The following OR51B5 variants were observed in gnomAD, a reference collection of about 807,000 sequenced individuals.
The protein encoded by OR51B5 is olfactory receptor family 51 subfamily B member 5.
For missense variants in OR51B5, 456 were observed against 374.6 expected (o/e 1.22, Z -1.79); for synonymous variants, 186 against 144.8 (o/e 1.28, Z -2.04).
chr11:5,417,313 C>T (rs1850258496), intron 1 of OR51B5, among the ~76,000 whole-genome samples: 1 of 151,016 alleles, frequency 6.6e-6, no homozygotes. Context: ...AGACCTAAAA[C>T]CATAAAAACC....
chr11:5,372,888 A>G (rs933152170), intron 1 of OR51B5, among the ~76,000 whole-genome samples: 5 of 152,212 alleles, frequency 3.3e-5, no homozygotes, highest in African/African-American at 1.2e-4. Flanking sequence ...AGAAAAACCA[A>G]CTTGATGGCA....
chr11:5,433,006 G>A (rs1254455218), intron 1 of OR51B5, among the ~76,000 whole-genome samples: 2 of 152,150 alleles, frequency 1.3e-5, no homozygotes, highest in African/African-American at 4.8e-5. Flanking sequence ...GAATGAAAGT[G>A]AGACTATGGT....
chr11:5,487,350 C>A (rs1451708581), intron 1 of OR51B5, among the ~76,000 whole-genome samples: 1 of 152,012 alleles, frequency 6.6e-6, no homozygotes, highest in Admixed American at 6.6e-5. Context: ...TTGTCAACCA[C>A]AAAATTTTGT....
At chr11:5,427,286 G>A (rs1409097659) in intron 1 of OR51B5, among the ~76,000 whole-genome samples, 2 of 152,192 alleles carry the variant, frequency 1.3e-5, no homozygotes, top group South Asian at 4.1e-4. Flanking sequence ...AGTCATTCCA[G>A]TGAATCTTCA....
intron 1 of OR51B5, among the ~76,000 whole-genome samples, chr11:5,368,495 G>A (rs1019975683): frequency 2.6e-5 from 4 of 152,204 alleles, no homozygotes; most frequent in East Asian, 3.9e-4. Flanking sequence ...TGAAAATTTT[G>A]TGAAAATGAG....
At chr11:5,477,077 T>A (rs1207073802) in intron 1 of OR51B5, among the ~76,000 whole-genome samples, 1 of 151,922 alleles carries the variant, frequency 6.6e-6, no homozygotes, top group East Asian at 1.9e-4. Context: ...TCATCATAAA[T>A]AAATAGAGTG....
intron 1 of OR51B5, among the ~76,000 whole-genome samples, chr11:5,362,058 T>C (rs759788825): frequency 6.6e-6 from 1 of 152,208 alleles, no homozygotes; most frequent in Non-Finnish European, 1.5e-5. Flanking sequence ...TTTAAATTGC[T>C]GCATATTCCC....
At chr11:5,373,557 T>G (rs559297469) in intron 1 of OR51B5, among the ~76,000 whole-genome samples, 1 of 152,018 alleles carries the variant, frequency 6.6e-6, no homozygotes, top group Non-Finnish European at 1.5e-5. Flanking sequence ...CAAGGGGTCA[T>G]GGAGTTCCCT....
chr11:5,359,867 A>C (rs12795134), intron 1 of OR51B5, among the ~76,000 whole-genome samples: 35,322 of 151,796 alleles, frequency 0.23, 4,368 homozygotes, highest in Non-Finnish European at 0.26. Flanking sequence ...GATCTTTGAC[A>C]AACCTGACAA....
chr11:5,497,412 AAAAT>A (rs1190753784), intron 1 of OR51B5, among the ~76,000 whole-genome samples: 1 of 152,198 alleles, frequency 6.6e-6, no homozygotes, highest in Non-Finnish European at 1.5e-5. Context: ...ACTCCGTCTC[AAAAT>A]AAATAAATTG....
chr11:5,389,754 T>G lies in OR51B5; in HGVS notation n.85-42844A>C. On this transcript the variant is annotated intron_variant and non_coding_transcript_variant, in intron 1 of 4. Transcript: ENST00000415970. ...ATCCAGATGTTCTGCATCCACTCTT[T>G]TTCCTTCATGGAGTCCTCAGTGCTC... 2.5e-6 allele frequency: 4 copies of G among 1,614,004 alleles called. 1 individual carries two copies. In the South Asian group the frequency reaches 4.4e-5, roughly 18 times the overall value.
At chr11:5,355,182 G>A (rs76625142) in intron 1 of OR51B5, 2 of 173,640 alleles carry the variant, frequency 1.2e-5, no homozygotes, top group African/African-American at 4.8e-5. Flanking sequence ...AGGAGCCTCT[G>A]TCTAAGGCAG....
chr11:5,394,523 G>C (rs894964632), intron 1 of OR51B5, among the ~76,000 whole-genome samples: 1 of 152,042 alleles, frequency 6.6e-6, no homozygotes, highest in African/African-American at 2.4e-5. Context: ...CAACTATCCC[G>C]TTATTTAATA....
intron 1 of OR51B5, among the ~76,000 whole-genome samples, chr11:5,400,996 T>TTGTGTGCATTTGGGTGAA (rs1849959712): frequency 1.3e-5 from 2 of 152,170 alleles, no homozygotes; most frequent in Non-Finnish European, 2.9e-5. Context: ...CTGTGTGTGT[T>TTGTGTGCATTTGGGTGAA]TGTGTGCATT....
At position 5,354,739 on chromosome 11, in the gene OR51B5, C is replaced by T. The variant is rs545935953; in HGVS notation, n.85-7829G>A. 4.4e-4 allele frequency: 79 copies of T among 178,662 alleles called. 1 individual carries two copies. The South Asian group carries it at 8.7e-3, about 20-fold the overall frequency. 11.1% of individuals were successfully genotyped at this position (178,662 alleles called of 1,614,324 possible). ...CTTTGCCAAGAATGCCTGGAAGAGACTCAGCCACTCACAGGAAAACGTCCT... is the reference window on the plus strand; with the variant it reads ...CTTTGCCAAGAATGCCTGGAAGAGATTCAGCCACTCACAGGAAAACGTCCT... On this transcript the variant is annotated intron_variant and non_coding_transcript_variant, in intron 1 of 4. Transcript: ENST00000415970.
At chr11:5,481,308 AC>A (rs1410834667) in intron 1 of OR51B5, among the ~76,000 whole-genome samples, 1 of 68,790 alleles carries the variant, frequency 1.5e-5, no homozygotes, top group Non-Finnish European at 3.2e-5. Flanking sequence ...AAATTCAACA[AC>A]CCTTCATGCT....
At chr11:5,422,932 G>C (rs1253878754) in intron 1 of OR51B5, 3 of 1,614,056 alleles carry the variant, frequency 1.9e-6, no homozygotes, top group Admixed American at 3.3e-5. Flanking sequence ...ATAACTGCCT[G>C]TCCCACATTC....
intron 1 of OR51B5, among the ~76,000 whole-genome samples, chr11:5,466,006 T>C (rs1250676883): frequency 2.0e-5 from 3 of 151,592 alleles, no homozygotes; most frequent in Non-Finnish European, 4.4e-5. Flanking sequence ...GAAACTATCA[T>C]CAGAGTGAAC....
chr11:5,364,766 G>T (rs1333580773), intron 1 of OR51B5, among the ~76,000 whole-genome samples: 1 of 152,126 alleles, frequency 6.6e-6, no homozygotes, highest in Non-Finnish European at 1.5e-5. Flanking sequence ...TGTTTACAGG[G>T]TCCCCCCACC....
Sources: gnomAD v4.1 joint callset for allele counts (sites outside exome capture counted in the v4.1 genomes callset) on GRCh38, gnomAD v4.1.1 for gene constraint, MANE v1.5 for transcripts, NCBI Gene and HGNC (gene_info 2026-07-23, HGNC 2026-07-21) for gene names.